Variants in SNX2 observed in about 807,000 individuals in gnomAD.
The protein encoded by SNX2 is sorting nexin 2.
In SNX2, 25 loss-of-function variants were observed where a neutral mutation model predicts 69.9. The ratio of observed to expected loss-of-function variants is 0.36; its 90% CI spans 0.26 to 0.50. SNX2 has a LOEUF of 0.50. Ranked by LOEUF, SNX2 falls within the 20% of genes least tolerant of loss-of-function variation. The pLI, the probability that SNX2 is intolerant of heterozygous loss-of-function variation, is 0.97. For synonymous variants in SNX2, 229 were observed against 200.4 expected, an observed-to-expected ratio of 1.14 and a Z score of -1.20; for missense variants, 551 against 613.3, an observed-to-expected ratio of 0.90 and a Z score of 1.07.
Position 122,829,605 on chromosome 5 carries a change from A to C in SNX2, c.1517A>C (p.Lys506Thr). 6.2e-7 allele frequency: 1 copy of C among 1,612,290 alleles called. No homozygotes were observed. The highest frequency in any genetic ancestry group is 8.5e-7 in the Non-Finnish European group (1 of 1,178,394). ...SLVQTQQQLI[K>T]YWEAFLPEAK... ...TTTAATTATCATTCACAGCTGATAA[A>C]ATACTGGGAAGCATTCCTACCTGAA... Residue 506 changes from lysine (K) to threonine (T), a missense_variant, in exon 15 of 15, where the codon AAA becomes ACA. By Grantham distance (78) the Lys-to-Thr change is moderately conservative. Transcript: ENST00000379516.
chr5:122,824,311 T>C (rs553799828), intron 11 of SNX2, among the ~76,000 whole-genome samples: 7 of 152,194 alleles, frequency 4.6e-5, no homozygotes, highest in African/African-American at 1.7e-4. Context: ...CCAAGACAAT[T>C]CTTCTTCCAT....
rs540458453 is a variant in SNX2 at position 122,812,839 on chromosome 5, C to A, written c.723-3057C>A. On this transcript the variant is annotated intron_variant, in intron 7 of 14. Transcript: ENST00000379516. ...TTATCCAAGACCCAGGCTCTTTCTACCTTTTTATTCTCCCATTATGTGCAT... is the reference window on the plus strand; with the variant it reads ...TTATCCAAGACCCAGGCTCTTTCTAACTTTTTATTCTCCCATTATGTGCAT... Among the ~76,000 whole-genome samples, 20 of 152,256 alleles carry A rather than the reference C, an allele frequency of 1.3e-4. No individual in the cohort carries two copies. In the East Asian group the frequency reaches 3.9e-3, roughly 29 times the overall value.
intron 11 of SNX2, 105 bp downstream of exon 11, chr5:122,819,128 A>G (rs1487177002): frequency 1.2e-6 from 1 of 804,988 alleles, no homozygotes; most frequent in African/African-American, 1.7e-5. Flanking sequence ...CTATACTAGC[A>G]TGAATAAAAT....
chr5:122,817,474 A>G, intron 10 of SNX2, 101 bp downstream of exon 10: 1 of 745,628 alleles, frequency 1.3e-6, no homozygotes, highest in Non-Finnish European at 2.1e-6. Context: ...ATTGCAGAAG[A>G]GAGAAAACAA....
chr5:122,802,860 A>G (rs1052989904), intron 5 of SNX2, among the ~76,000 whole-genome samples: 1 of 152,110 alleles, frequency 6.6e-6, no homozygotes, highest in East Asian at 1.9e-4. Context: ...ACTTGGATGT[A>G]ATGGGTGAGG....
chr5:122,793,120 A>G (rs911666765), intron 1 of SNX2, among the ~76,000 whole-genome samples: 9 of 152,212 alleles, frequency 5.9e-5, no homozygotes, highest in Non-Finnish European at 2.9e-5. Context: ...TTCCATTCTT[A>G]GGTTTATACA....
intron 1 of SNX2, among the ~76,000 whole-genome samples, chr5:122,789,745 C>T (rs1753185246): frequency 6.6e-6 from 1 of 152,202 alleles, no homozygotes; most frequent in African/African-American, 2.4e-5. Flanking sequence ...TGTCTCTATA[C>T]CATTGCACAG....
intron 1 of SNX2, among the ~76,000 whole-genome samples, chr5:122,780,749 T>C (rs1343543910): frequency 1.3e-5 from 2 of 151,990 alleles, no homozygotes; most frequent in African/African-American, 4.8e-5. Context: ...TTTGTATTTT[T>C]AGTGGAGACG....
At chr5:122,822,236 G>A (rs12514396) in intron 11 of SNX2, among the ~76,000 whole-genome samples, 30,980 of 152,066 alleles carry the variant, frequency 0.2, 3,588 homozygotes, top group East Asian at 0.46. Context: ...GACTATAGGC[G>A]TGTGCCACCA....
chr5:122,785,957 A>C (rs1349792272), intron 1 of SNX2, among the ~76,000 whole-genome samples: 5 of 152,176 alleles, frequency 3.3e-5, no homozygotes, highest in Admixed American at 3.3e-4. Flanking sequence ...ACTGAGAGAA[A>C]AGTGTTGAAG....
At chr5:122,792,655 TTTAA>T (rs1202674716) in intron 1 of SNX2, among the ~76,000 whole-genome samples, 2 of 151,912 alleles carry the variant, frequency 1.3e-5, no homozygotes, top group African/African-American at 2.4e-5. Context: ...ACAATTTGCC[TTTAA>T]TTAAGAAATT....
chr5:122,785,849 A>G (rs1393729262), intron 1 of SNX2, among the ~76,000 whole-genome samples: 1 of 152,122 alleles, frequency 6.6e-6, no homozygotes, highest in Admixed American at 6.5e-5. Context: ...ATGTATATAT[A>G]GTCTGTTTTG....
At chr5:122,796,720 T>C (rs1264304352) in intron 2 of SNX2, among the ~76,000 whole-genome samples, 1 of 152,186 alleles carries the variant, frequency 6.6e-6, no homozygotes, top group Admixed American at 6.5e-5. Flanking sequence ...TTTTAAATTA[T>C]CCATTTTTTT....
In SNX2 at chr5:122,818,951, A is replaced by G. The variant is rs201898481; in HGVS notation, c.1140A>G (p.Glu380=). The change falls in exon 11 of 15, where the codon GAA becomes GAG. Residue 380 remains glutamate (E), a synonymous_variant. Transcript: ENST00000379516. The part of the protein sequence containing the change: ...VEEKIDQLHQ[E]QAFADFYMFS... ...AGAAGATAGACCAGTTACATCAAGA[A>G]CAAGCTTTTGCTGACTTTTATATGT... 3.6e-5 allele frequency: 58 copies of G among 1,613,990 alleles called. No homozygotes were observed. The highest frequency in any genetic ancestry group is 1.2e-5 in the Non-Finnish European group (14 of 1,179,926).
intron 1 of SNX2, among the ~76,000 whole-genome samples, chr5:122,793,076 A>G (rs966276536): frequency 6.6e-6 from 1 of 152,208 alleles, no homozygotes; most frequent in Non-Finnish European, 1.5e-5. Context: ...ATAACTTCTA[A>G]AGCTGAACAT....
Position 122,817,272 on chromosome 5 carries a change from T to G in SNX2, c.913-8T>G, listed in dbSNP as rs1231678376. ...CTAAATTAGCTCCATTTTTCATTTT[T>G]TTCTTAGTGGTTTGAAGAAAAGCAG... On this transcript the variant is annotated splice_polypyrimidine_tract_variant and splice_region_variant and intron_variant, in intron 9 of 14. Coordinates refer to ENST00000379516, the MANE Select transcript of SNX2 (RefSeq NM_003100.4). 6.2e-7 allele frequency: 1 copy of G among 1,612,878 alleles called. No homozygotes were observed. Among genetic ancestry groups the G allele is most frequent in the Non-Finnish European group, 8.5e-7 (1 of 1,179,084 alleles).
chr5:122,787,735 G>A (rs1753124978), intron 1 of SNX2, among the ~76,000 whole-genome samples: 1 of 152,140 alleles, frequency 6.6e-6, no homozygotes, highest in Admixed American at 6.5e-5. Context: ...ACTATGAGGT[G>A]AAAAGGTTGT....
intron 1 of SNX2, among the ~76,000 whole-genome samples, chr5:122,786,866 T>C (rs1416892517): frequency 1.3e-5 from 2 of 152,148 alleles, no homozygotes; most frequent in African/African-American, 2.4e-5. Flanking sequence ...TTGATCTTGT[T>C]TGGAATCCAA....
At chr5:122,793,261 C>T (rs1311268550) in intron 1 of SNX2, among the ~76,000 whole-genome samples, 1 of 152,134 alleles carries the variant, frequency 6.6e-6, no homozygotes, top group Non-Finnish European at 1.5e-5. Flanking sequence ...GTATGGTATT[C>T]ACACAATGAA....
Sources: allele counts gnomAD v4.1 joint callset (sites outside exome capture counted in the v4.1 genomes callset), GRCh38; gene constraint gnomAD v4.1.1; transcripts MANE v1.5; gene names NCBI Gene and HGNC (gene_info 2026-07-23, HGNC 2026-07-21).